PCYT2: variants seen among roughly 807,000 people sequenced by gnomAD.
PCYT2 encodes the protein phosphate cytidylyltransferase 2, ethanolamine.
A neutral mutation model predicts 50.0 loss-of-function variants in PCYT2; 33 were observed. The observed-to-expected ratio is 0.66, with a 90% CI of 0.50 to 0.88. PCYT2 has a LOEUF of 0.88. Ranked by LOEUF, PCYT2 falls within the 40% of genes least tolerant of loss-of-function variation. The pLI is 0.00. For synonymous variants in PCYT2, 240 were observed against 203.7 expected (o/e 1.18, Z -1.52); for missense variants, 430 against 519.7 (o/e 0.83, Z 1.68).
Position 81,905,005 on chromosome 17 carries a change from A to AG in PCYT2, c.1058+60_1058+61insC, listed in dbSNP as rs1567884938. On this transcript the variant is annotated intron_variant, in intron 12 of 12. Coordinates refer to ENST00000538936, the MANE Select transcript of PCYT2 (RefSeq NM_002861.5). Reference sequence around the variant, plus strand: ...ATGAGGCGGCTCCGAGGGGGAGGGCACGGTAAGTCTAGCGGAGAGCGCCCA... The same window carrying AG: ...ATGAGGCGGCTCCGAGGGGGAGGGCAGCGGTAAGTCTAGCGGAGAGCGCCCA... The AG allele has an allele frequency of 8.2e-6, 13 of 1,584,222 alleles. No homozygotes were observed. The Admixed American group carries it at 2.0e-4, about 25-fold the overall frequency.
chr17:81,906,157 C>T lies in PCYT2; in HGVS notation c.780G>A (p.Gly260=). Reference sequence around the variant, plus strand: ...GCAGATTCATGATGGGGTAGTTCTTCCCCTTGTAGTGATTGACCTCCTGCG... The same window carrying T: ...GCAGATTCATGATGGGGTAGTTCTTTCCCTTGTAGTGATTGACCTCCTGCG... ...HFDQEVNHYK[G]KNYPIMNLHE... is the part of the protein sequence containing the mutation. The change falls in exon 9 of 13, where the codon GGG becomes GGA. Residue 260 remains glycine (G), a synonymous_variant. Coordinates refer to ENST00000538936, the MANE Select transcript of PCYT2 (RefSeq NM_002861.5). 6.2e-7 allele frequency: 1 copy of T among 1,612,478 alleles called. No individual in the cohort carries two copies. The highest frequency in any genetic ancestry group is 1.7e-4 in the Middle Eastern group (1 of 6,050).
rs1055155257 is a variant in PCYT2 at position 81,902,082 on chromosome 17, C to T, written c.*2751G>A. ...GCCAGATCCTTGCGCGCCTCCAGCGCTCGCCCGCGCGGCTGGTTCCTTTGG... is the reference window on the plus strand; with the variant it reads ...GCCAGATCCTTGCGCGCCTCCAGCGTTCGCCCGCGCGGCTGGTTCCTTTGG... On this transcript the variant is annotated 3_prime_UTR_variant, in exon 13 of 13. Coordinates refer to ENST00000538936, the MANE Select transcript of PCYT2 (RefSeq NM_002861.5). 23 of 371,408 alleles carry T rather than the reference C, an allele frequency of 6.2e-5. No homozygotes were observed. Among genetic ancestry groups the T allele is most frequent in the Non-Finnish European group, 9.6e-5 (22 of 228,820 alleles). 23.0% of individuals were successfully genotyped at this position (371,408 alleles called of 1,614,324 possible).
In PCYT2 at chr17:81,907,584, C is replaced by A; in HGVS notation, c.507G>T (p.Glu169Asp). The A allele has an allele frequency of 6.2e-7, 1 of 1,611,980 alleles. No individual in the cohort carries two copies. Among genetic ancestry groups the A allele is most frequent in the Non-Finnish European group, 8.5e-7 (1 of 1,179,488 alleles). The change falls in exon 6 of 13, where the codon GAG (glutamate) becomes GAT (aspartate). Residue 169 changes from glutamate to aspartate, a missense_variant. Physicochemically the swap from Glu to Asp is conservative, Grantham distance 45 (BLOSUM62 2). Coordinates refer to ENST00000538936, the MANE Select transcript of PCYT2 (RefSeq NM_002861.5). ...AHHSSQEMSS[E>D]YREYADSFGK... ...CAAAACTGTCTGCATACTCCCGGTA[C>A]TCAGAGGACATCTCCTGCACAGAAG...
chr17:81,904,755 G>T lies in PCYT2; in HGVS notation c.*78C>A. 2.1e-6 allele frequency: 2 copies of T among 945,210 alleles called. No homozygotes were observed. Among genetic ancestry groups the T allele is most frequent in the Non-Finnish European group, 1.6e-6 (1 of 627,752 alleles). 58.6% of individuals were successfully genotyped at this position (945,210 alleles called of 1,614,324 possible). Reference sequence around the variant, plus strand: ...AGAGCCAGGCCAGTTAGAGAGGGCGGCCCTGCAGAGTCCTATGTCCAAACG... The same window carrying T: ...AGAGCCAGGCCAGTTAGAGAGGGCGTCCCTGCAGAGTCCTATGTCCAAACG... On this transcript the variant is annotated 3_prime_UTR_variant, in exon 13 of 13. Transcript: ENST00000538936.
In PCYT2 at chr17:81,907,560, A is replaced by G. The variant is rs764367108; in HGVS notation, c.531T>C (p.Phe177=). The G allele has an allele frequency of 8.1e-6, 13 of 1,610,496 alleles. 1 individual carries two copies. The highest frequency in any genetic ancestry group is 1.6e-4 in the Middle Eastern group (1 of 6,062). The change falls in exon 6 of 13, where the codon TTT becomes TTC. Residue 177 remains phenylalanine (F), a synonymous_variant. Transcript: ENST00000538936. ...SSEYREYADS[F]GKCPGGRNPW... ...CCTGCACAGCCGCACTCACCTTGCCAAAACTGTCTGCATACTCCCGGTACT... is the reference window on the plus strand; with the variant it reads ...CCTGCACAGCCGCACTCACCTTGCCGAAACTGTCTGCATACTCCCGGTACT...
intron 5 of PCYT2, 74 bp from the exon 6 acceptor site, chr17:81,907,672 G>T: frequency 6.3e-7 from 1 of 1,596,400 alleles, no homozygotes; most frequent in Non-Finnish European, 8.6e-7. Context: ...GCTGGGGATG[G>T]GGAGCAGTGG....
chr17:81,911,129 C>T, intron 1 of PCYT2, 138 bp downstream of exon 1: 1 of 1,002,218 alleles, frequency 1.0e-6, no homozygotes, highest in Non-Finnish European at 1.2e-6. Context: ...GCGAGCCCCG[C>T]AGCCTGCCAG....
At position 81,902,734 on chromosome 17, in the gene PCYT2, T is replaced by C. The variant is rs1483554005; in HGVS notation, c.*2099A>G. ...CTTCCTGTCCCTGCGCGCAGCCGAC[T>C]GCCTCGCCGCCTGAGCCCGGACCTC... is the stretch of plus-strand genomic sequence containing the variant. On this transcript the variant is annotated 3_prime_UTR_variant, in exon 13 of 13. Coordinates refer to ENST00000538936, the MANE Select transcript of PCYT2 (RefSeq NM_002861.5). The C allele has an allele frequency of 6.2e-7, 1 of 1,607,116 alleles. No homozygotes were observed. Among genetic ancestry groups the C allele is most frequent in the Non-Finnish European group, 8.5e-7 (1 of 1,178,028 alleles).
rs937144753 is a variant in PCYT2, at chr17:81,906,974, A to G, written c.538-76T>C. 3 of 1,480,208 alleles carry G rather than the reference A, an allele frequency of 2.0e-6. No homozygotes were observed. In the African/African-American group the frequency reaches 4.2e-5, roughly 21 times the overall value. 91.7% of individuals were successfully genotyped at this position (1,480,208 alleles called of 1,614,324 possible). A position where few individuals can be genotyped will look rare whatever the true frequency, so the allele number is the denominator to read the frequency against. On this transcript the variant is annotated intron_variant, in intron 6 of 12. Transcript: ENST00000538936. Reference sequence around the variant, plus strand: ...GCCCTCACCAGGTCACCAAACCCTCAGCTGTCACCTGCCAGCAATCCCATT... The same window carrying G: ...GCCCTCACCAGGTCACCAAACCCTCGGCTGTCACCTGCCAGCAATCCCATT...
In PCYT2 at chr17:81,904,712, G is replaced by C. The variant is rs754208985; in HGVS notation, c.*121C>G. 1 of 654,304 alleles carries C rather than the reference G, an allele frequency of 1.5e-6. No homozygotes were observed. The highest frequency in any genetic ancestry group is 2.6e-6 in the Non-Finnish European group (1 of 384,072). The allele number at this position is 654,304 out of a possible 1,614,324, so 40.5% of individuals were successfully genotyped here. A position where few individuals can be genotyped will look rare whatever the true frequency, so the allele number is the denominator to read the frequency against. On this transcript the variant is annotated 3_prime_UTR_variant, in exon 13 of 13. Transcript: ENST00000538936. Reference sequence around the variant, plus strand: ...CCTTGTAGGCAGGCAAGGAGGCAGAGTCCTCACCAGCCCTTCCAGAGCCAG... The same window carrying C: ...CCTTGTAGGCAGGCAAGGAGGCAGACTCCTCACCAGCCCTTCCAGAGCCAG...
In PCYT2 at chr17:81,905,692, G is replaced by A; in HGVS notation, c.881C>T (p.Ala294Val). The A allele has an allele frequency of 6.2e-7, 1 of 1,613,598 alleles. No individual in the cohort carries two copies. The highest frequency in any genetic ancestry group is 8.5e-7 in the Non-Finnish European group (1 of 1,179,944). The stretch of plus-strand genomic sequence containing the variant: ...CACCTTGAAGTGACTTAGGAGCTCT[G>A]CTGTGACCGCGTACGGGGCTCCAAT... ...VVIGAPYAVT[A>V]ELLSHFKVDL... The change falls in exon 10 of 13, where the codon GCA becomes GTA. Residue 294 changes from alanine to valine, a missense_variant. This residue lies in a region of PCYT2 where 248 missense variants were observed against 300.2 expected (regional missense o/e 0.83). Transcript: ENST00000538936.
chr17:81,907,058 T>C, intron 6 of PCYT2, 160 bp from the exon 7 acceptor site: 1 of 1,040,472 alleles, frequency 9.6e-7, no homozygotes, highest in Non-Finnish European at 1.4e-6. Flanking sequence ...GGTGGGACTG[T>C]GGCGCCACCC....
chr17:81,909,358 C>T, intron 2 of PCYT2, 156 bp downstream of exon 2: 1 of 1,440,958 alleles, frequency 6.9e-7, no homozygotes, highest in Non-Finnish European at 9.2e-7. Context: ...AGGCATTAGG[C>T]CATCCTCAGC....
Position 81,904,034 on chromosome 17 carries a change from C to G in PCYT2, c.*799G>C, listed in dbSNP as rs1438372944. The G allele has an allele frequency of 6.6e-6, 1 of 152,282 alleles. No homozygotes were observed. The highest frequency in any genetic ancestry group is 2.4e-5 in the African/African-American group (1 of 41,466). The allele number at this position is 152,282 out of a possible 1,614,324, so 9.4% of individuals were successfully genotyped here. A position where few individuals can be genotyped will look rare whatever the true frequency, so the allele number is the denominator to read the frequency against. ...GGCCAAGGGGCAAGGAGCCTCAGCT[C>G]TGGCTCTCCTCCTTATTCTAGCATC... On this transcript the variant is annotated 3_prime_UTR_variant, in exon 13 of 13. Transcript: ENST00000538936.
At chr17:81,907,328 A>C (rs1257154849) in intron 6 of PCYT2, 1 of 1,408,412 alleles carries the variant, frequency 7.1e-7, no homozygotes, top group East Asian at 2.5e-5. Context: ...TTGCTCCTCC[A>C]AGCAGTGGCT....
rs899480363 is a variant in PCYT2, at chr17:81,904,766, T to A, written c.*67A>T. On this transcript the variant is annotated 3_prime_UTR_variant, in exon 13 of 13. Transcript: ENST00000538936. ...AGTTAGAGAGGGCGGCCCTGCAGAG[T>A]CCTATGTCCAAACGCAGAAGGCGCA... 8.4e-6 allele frequency: 9 copies of A among 1,077,120 alleles called. No individual in the cohort carries two copies. Among genetic ancestry groups the A allele is most frequent in the Admixed American group, 2.1e-5 (1 of 47,330 alleles). The allele number at this position is 1,077,120 out of a possible 1,614,324, so 66.7% of individuals were successfully genotyped here.
Position 81,903,113 on chromosome 17 carries a change from A to C in PCYT2, c.*1720T>G, listed in dbSNP as rs1182621630. ...CCTAGCCTTGGTGCTCCCTGGGGGAAGTGCAGGGCCACGGCTGGCCCGGTT... is the reference window on the plus strand; with the variant it reads ...CCTAGCCTTGGTGCTCCCTGGGGGACGTGCAGGGCCACGGCTGGCCCGGTT... On this transcript the variant is annotated 3_prime_UTR_variant, in exon 13 of 13. Coordinates refer to ENST00000538936, the MANE Select transcript of PCYT2 (RefSeq NM_002861.5). The C allele has an allele frequency of 7.5e-6, 2 of 268,390 alleles. No homozygotes were observed. The highest frequency in any genetic ancestry group is 4.4e-5 in the African/African-American group (2 of 45,268). 16.6% of individuals were successfully genotyped at this position (268,390 alleles called of 1,614,324 possible).
chr17:81,907,993 C>G, intron 4 of PCYT2, 136 bp from the exon 5 acceptor site: 1 of 684,842 alleles, frequency 1.5e-6, no homozygotes, highest in Non-Finnish European at 2.5e-6. Flanking sequence ...GGTCCCCTTC[C>G]TGTGCAAGGC....
rs1319344447 is a variant in PCYT2, at chr17:81,902,597, G to C, written c.*2236C>G. 2 of 1,547,962 alleles carry C rather than the reference G, an allele frequency of 1.3e-6. No homozygotes were observed. Among genetic ancestry groups the C allele is most frequent in the African/African-American group, 1.4e-5 (1 of 71,268 alleles). Reference sequence around the variant, plus strand: ...TGGGTGGGGGTGCGGCGGCCCCTCAGCCTTTGCTTGCCTGCCCCCCAGGCT... The same window carrying C: ...TGGGTGGGGGTGCGGCGGCCCCTCACCCTTTGCTTGCCTGCCCCCCAGGCT... On this transcript the variant is annotated 3_prime_UTR_variant, in exon 13 of 13. Transcript: ENST00000538936.
Sources: allele counts gnomAD v4.1 joint callset, GRCh38; gene constraint gnomAD v4.1.1; regional missense constraint gnomAD v4.1.1; transcripts MANE v1.5; gene names NCBI Gene and HGNC (gene_info 2026-07-23, HGNC 2026-07-21).